KIAA1328: variants seen among roughly 807,000 people sequenced by gnomAD.
KIAA1328 encodes the protein KIAA1328.
A neutral mutation model predicts 68.1 loss-of-function variants in KIAA1328; 52 were observed. The observed-to-expected ratio is 0.76, with a 90% CI of 0.61 to 0.96. The LOEUF (loss-of-function observed/expected upper bound fraction) is 0.96, where lower values mean the gene tolerates loss of function less well. Among genes scored for constraint, KIAA1328 ranks in the 40% least tolerant of loss-of-function variants. The probability of loss-of-function intolerance (pLI) is 0.00; values close to 1 mark genes in which losing one functional copy is unlikely to be tolerated. For synonymous variants in KIAA1328, 232 were observed against 239.4 expected (o/e 0.97, Z 0.28); for missense variants, 641 against 677.6 (o/e 0.95, Z 0.60).
chr18:37,222,247 A>G lies in KIAA1328; in HGVS notation c.*20A>G, dbSNP rs1158233278. 3 of 1,551,798 alleles carry G rather than the reference A, an allele frequency of 1.9e-6. No individual in the cohort carries two copies. In the East Asian group the frequency reaches 7.3e-5, roughly 38 times the overall value. On this transcript the variant is annotated 3_prime_UTR_variant, in exon 10 of 10. Transcript: ENST00000280020. Reference sequence around the variant, plus strand: ...ATTTGACATATTGCAAAATTTTCTTAGGAAATTTGTGGGTTTCCTCACATA... The same window carrying G: ...ATTTGACATATTGCAAAATTTTCTTGGGAAATTTGTGGGTTTCCTCACATA...
chr18:37,021,822 A>G (rs1598994875), intron 6 of KIAA1328, among the ~76,000 whole-genome samples: 1 of 152,042 alleles, frequency 6.6e-6, no homozygotes. Context: ...ATGGATCACG[A>G]GGTCAGGAGA....
At chr18:37,192,063 C>A (rs1158808472) in intron 9 of KIAA1328, among the ~76,000 whole-genome samples, 1 of 152,080 alleles carries the variant, frequency 6.6e-6, no homozygotes, top group Non-Finnish European at 1.5e-5. Context: ...GAGCAAAACA[C>A]CTTAACCTCC....
intron 8 of KIAA1328, among the ~76,000 whole-genome samples, chr18:37,160,709 C>A (rs2059261528): frequency 6.6e-6 from 1 of 152,156 alleles, no homozygotes; most frequent in African/African-American, 2.4e-5. Context: ...ACATAAATCT[C>A]TCCTGGAAAA....
intron 9 of KIAA1328, among the ~76,000 whole-genome samples, chr18:37,213,094 T>C (rs1177944328): frequency 6.6e-6 from 1 of 152,230 alleles, no homozygotes; most frequent in Non-Finnish European, 1.5e-5. Flanking sequence ...TTAGGTGATA[T>C]AATTAAAAGC....
At chr18:36,936,551 T>C (rs924865432) in intron 5 of KIAA1328, among the ~76,000 whole-genome samples, 3 of 152,230 alleles carry the variant, frequency 2.0e-5, no homozygotes, top group Non-Finnish European at 2.9e-5. Flanking sequence ...TCTTTGCTAT[T>C]GTAAATAGTG....
chr18:37,201,206 A>T (rs1286325096), intron 9 of KIAA1328, among the ~76,000 whole-genome samples: 1 of 152,246 alleles, frequency 6.6e-6, no homozygotes, highest in Non-Finnish European at 1.5e-5. Context: ...ACAATGAGAG[A>T]TACATAACAT....
rs528145208 is a variant in KIAA1328 at position 36,961,305 on chromosome 18, A to G, written c.576+1870A>G. Among the ~76,000 whole-genome samples the G allele has an allele frequency of 2.0e-5, 3 of 152,300 alleles. No homozygotes were observed. In the South Asian group the frequency reaches 6.2e-4, roughly 32 times the overall value. ...CAAACGAGCAAAGCCTCCAGCAAAT[A>G]TGGGAATATGTGAAAAGACCAAATC... On this transcript the variant is annotated intron_variant, in intron 6 of 9. Coordinates refer to ENST00000280020, the MANE Select transcript of KIAA1328 (RefSeq NM_020776.3).
intron 4 of KIAA1328, among the ~76,000 whole-genome samples, chr18:36,883,952 G>GTATATGTGTATATATA (rs540895118): frequency 4.1e-5 from 5 of 120,804 alleles, no homozygotes; most frequent in African/African-American, 6.6e-5. Context: ...TATTTATAAA[G>GTATATGTGTATATATA]TATATATATA....
At chr18:37,120,875 A>G (rs1266863489) in intron 7 of KIAA1328, among the ~76,000 whole-genome samples, 1 of 152,184 alleles carries the variant, frequency 6.6e-6, no homozygotes, top group East Asian at 1.9e-4. Flanking sequence ...AGAAATTAAT[A>G]TAAAAGGAAT....
chr18:36,859,276 C>T (rs897050081), intron 4 of KIAA1328, among the ~76,000 whole-genome samples: 1 of 151,900 alleles, frequency 6.6e-6, no homozygotes, highest in African/African-American at 2.4e-5. Context: ...AATTTTCTTT[C>T]ATCACCTGAA....
chr18:36,860,673 G>A (rs1304326335), intron 4 of KIAA1328, among the ~76,000 whole-genome samples: 1 of 152,104 alleles, frequency 6.6e-6, no homozygotes, highest in Non-Finnish European at 1.5e-5. Flanking sequence ...TTTTAACTCA[G>A]CATAATGTCA....
At chr18:37,165,598 T>A (rs2059373056) in intron 8 of KIAA1328, among the ~76,000 whole-genome samples, 1 of 149,994 alleles carries the variant, frequency 6.7e-6, no homozygotes, top group African/African-American at 2.4e-5. Flanking sequence ...TTTTTTTTTT[T>A]TTTTTTTTTT....
intron 7 of KIAA1328, among the ~76,000 whole-genome samples, chr18:37,122,827 G>C (rs1198173950): frequency 6.6e-6 from 1 of 152,150 alleles, no homozygotes; most frequent in Non-Finnish European, 1.5e-5. Flanking sequence ...AAGAGCTTGA[G>C]AAGTGAAGGA....
chr18:37,193,567 A>T, intron 9 of KIAA1328: 1 of 702,422 alleles, frequency 1.4e-6, no homozygotes. Flanking sequence ...CCACTCATGG[A>T]CATTTTAATT....
At chr18:36,943,294 AACT>A (rs1319857879) in intron 5 of KIAA1328, among the ~76,000 whole-genome samples, 1 of 152,234 alleles carries the variant, frequency 6.6e-6, no homozygotes, top group Non-Finnish European at 1.5e-5. Context: ...TTAAGTGTAC[AACT>A]ACTTTCATTA....
intron 9 of KIAA1328, among the ~76,000 whole-genome samples, chr18:37,213,150 AT>A (rs920143329): frequency 6.6e-6 from 1 of 152,060 alleles, no homozygotes; most frequent in Non-Finnish European, 1.5e-5. Context: ...ATTTTTTGTA[AT>A]TTTTTTTATT....
chr18:37,106,762 C>A (rs1239787016), intron 7 of KIAA1328, among the ~76,000 whole-genome samples: 12 of 152,176 alleles, frequency 7.9e-5, no homozygotes, highest in African/African-American at 2.9e-4. Context: ...TTATATCTCA[C>A]TAATGCTTTT....
chr18:36,839,211 A>G (rs1283950191), intron 3 of KIAA1328, among the ~76,000 whole-genome samples: 6 of 152,044 alleles, frequency 3.9e-5, no homozygotes, highest in Non-Finnish European at 8.8e-5. Context: ...TCTTGAAGTT[A>G]CCCTCTCAGC....
chr18:36,954,224 G>A (rs564645377), intron 5 of KIAA1328, among the ~76,000 whole-genome samples: 2 of 151,918 alleles, frequency 1.3e-5, no homozygotes, highest in Admixed American at 6.6e-5. Context: ...GGATGGTCTC[G>A]ATCTCCTGAC....
Sources: allele counts gnomAD v4.1 joint callset (sites outside exome capture counted in the v4.1 genomes callset), GRCh38; gene constraint gnomAD v4.1.1; transcripts MANE v1.5; gene names NCBI Gene and HGNC (gene_info 2026-07-23, HGNC 2026-07-21).